NDEL1: variants seen among roughly 807,000 people sequenced by gnomAD.
NDEL1 encodes nudE neurodevelopment protein 1 like 1, also known as nuclear distribution protein nudE-like 1.
A neutral mutation model predicts 45.7 loss-of-function variants in NDEL1; 9 were observed. That is an observed-to-expected ratio of 0.20 (90% CI 0.12 to 0.34). The LOEUF (loss-of-function observed/expected upper bound fraction) is 0.34. NDEL1 is among the 10% of genes least tolerant of loss of function. NDEL1 has a pLI of 1.00. For synonymous variants in NDEL1, 133 were observed against 158.6 expected, an observed-to-expected ratio of 0.84 and a Z score of 1.21; for missense variants, 306 against 406.2, an observed-to-expected ratio of 0.75 and a Z score of 2.12.
intron 1 of NDEL1, among the ~76,000 whole-genome samples, chr17:8,423,039 T>C (rs1301898033): frequency 1.3e-5 from 2 of 152,220 alleles, no homozygotes; most frequent in Non-Finnish European, 2.9e-5. Context: ...CTCCTTGTAA[T>C]TTCGAAGCAG....
At chr17:8,466,349 T>C (rs992957841) in intron 8 of NDEL1, 2 of 153,204 alleles carry the variant, frequency 1.3e-5, no homozygotes, top group East Asian at 1.9e-4. Context: ...TATACATTTA[T>C]TTATACACAC....
chr17:8,432,247 T>C (rs1279552140), upstream of NDEL1: 1 of 146,602 alleles, frequency 6.8e-6, no homozygotes, highest in African/African-American at 2.5e-5. Flanking sequence ...ATTTTAAGCA[T>C]GTTAATGCAG....
At chr17:8,424,466 A>G (rs1908777724) in intron 1 of NDEL1, among the ~76,000 whole-genome samples, 1 of 152,170 alleles carries the variant, frequency 6.6e-6, no homozygotes, top group Non-Finnish European at 1.5e-5. Context: ...TGGATCACAA[A>G]GGTTGCACCT....
At chr17:8,450,746 G>A in intron 5 of NDEL1, 34 bp from the exon 6 acceptor site, 4 of 1,582,320 alleles carry the variant, frequency 2.5e-6, no homozygotes, top group Non-Finnish European at 3.4e-6. Flanking sequence ...TCCCTCTAGT[G>A]AGTATTCCTG....
In NDEL1 at chr17:8,435,899, G is replaced by A. The variant is rs529542826; in HGVS notation, c.-159G>A. On this transcript the variant is annotated 5_prime_UTR_variant, in exon 1 of 9. Coordinates refer to ENST00000334527, the MANE Select transcript of NDEL1 (RefSeq NM_030808.5). The stretch of plus-strand genomic sequence containing the variant: ...ACACCCAGGCAGTCCCTGACGTGTC[G>A]GGGAGGAGCCGGGCGCGGAGGTACG... 2.7e-4 allele frequency: 122 copies of A among 448,108 alleles called. 2 individuals are homozygous for A. Among genetic ancestry groups the A allele is most frequent in the South Asian group, 1.9e-3 (121 of 64,220 alleles). The allele number at this position is 448,108 out of a possible 1,614,324, so 27.8% of individuals were successfully genotyped here. A position where few individuals can be genotyped will look rare whatever the true frequency, so the allele number is the denominator to read the frequency against.
upstream of NDEL1, among the ~76,000 whole-genome samples, chr17:8,435,112 T>C (rs934240128): frequency 1.3e-5 from 2 of 151,552 alleles, no homozygotes; most frequent in African/African-American, 4.8e-5. Context: ...CCAAGATGGA[T>C]TGTAAGAGGT....
In NDEL1 at chr17:8,466,983, G is replaced by A. The variant is rs8080598; in HGVS notation, c.998G>A (p.Arg333His). 1.7e-5 allele frequency: 27 copies of A among 1,614,036 alleles called. No homozygotes were observed. Among genetic ancestry groups the A allele is most frequent in the South Asian group, 3.3e-5 (3 of 91,088 alleles). ...APPPPGLGSS[R>H]PSSAPGMLPL... is the part of the protein sequence containing the mutation. ...CCTCCTCCTGGTCTGGGCTCCTCGCGTCCATCGTCAGCGCCGGGTATGCTG... is the reference window on the plus strand; with the variant it reads ...CCTCCTCCTGGTCTGGGCTCCTCGCATCCATCGTCAGCGCCGGGTATGCTG... The change falls in exon 9 of 9, where the codon CGT becomes CAT. Residue 333 changes from arginine (R) to histidine (H), a missense_variant. Arg to His is a conservative substitution (Grantham distance 29). Transcript: ENST00000334527.
Position 8,460,135 on chromosome 17 carries a change from G to C in NDEL1, c.919G>C (p.Gly307Arg). The change falls in exon 8 of 9, where the codon GGG becomes CGG. Residue 307 changes from glycine to arginine, a missense_variant. By Grantham distance (125) the Gly-to-Arg change is moderately radical. Around this residue, in one of 3 missense-constraint regions of NDEL1, gnomAD observed 175 missense variants for 205.2 expected, o/e 0.85. Coordinates refer to ENST00000334527, the MANE Select transcript of NDEL1 (RefSeq NM_030808.5). ...NGNGTKFSRS[G>R]HTSFFDKGAV... ...CAATGGCACAAAGTTCTCTCGATCA[G>C]GGCATACATCTTTCTTCGACAAAGG... 6.2e-7 allele frequency: 1 copy of C among 1,613,438 alleles called. No homozygotes were observed. The highest frequency in any genetic ancestry group is 8.5e-7 in the Non-Finnish European group (1 of 1,179,812).
At chr17:8,414,368 T>C (rs568448304) in intron 1 of NDEL1, among the ~76,000 whole-genome samples, 1 of 152,168 alleles carries the variant, frequency 6.6e-6, no homozygotes, top group Non-Finnish European at 1.5e-5. Flanking sequence ...CAGATTCCCT[T>C]AAGAAATGTC....
chr17:8,466,856 A>T, intron 8 of NDEL1, 74 bp from the exon 9 acceptor site: 1 of 1,390,090 alleles, frequency 7.2e-7, no homozygotes, highest in Non-Finnish European at 1.0e-6. Context: ...TTAATTTCCT[A>T]TTGTGTGTGA....
intron 1 of NDEL1, among the ~76,000 whole-genome samples, chr17:8,421,663 G>A (rs1009435389): frequency 1.4e-4 from 22 of 152,346 alleles, no homozygotes; most frequent in African/African-American, 5.0e-4. Context: ...CACCAGGCTT[G>A]TGGTAATTAT....
chr17:8,460,251 C>T, intron 8 of NDEL1, 91 bp downstream of exon 8: 1 of 1,390,226 alleles, frequency 7.2e-7, no homozygotes. Context: ...AAGGTAAACT[C>T]AGCTTGACAA....
intron 1 of NDEL1, among the ~76,000 whole-genome samples, chr17:8,440,999 G>C (rs2151710374): frequency 6.6e-6 from 1 of 152,308 alleles, no homozygotes; most frequent in East Asian, 1.9e-4. Flanking sequence ...ATAAATGTTA[G>C]ATGCCAAGGA....
At chr17:8,456,634 G>T (rs554616803) in intron 7 of NDEL1, among the ~76,000 whole-genome samples, 18 of 151,982 alleles carry the variant, frequency 1.2e-4, no homozygotes, top group African/African-American at 4.1e-4. Flanking sequence ...GAGTAGCTGG[G>T]ATTACAGGCA....
chr17:8,458,279 C>T (rs1162254496), intron 7 of NDEL1, among the ~76,000 whole-genome samples: 1 of 151,950 alleles, frequency 6.6e-6, no homozygotes, highest in African/African-American at 2.4e-5. Flanking sequence ...TTCATCTGCT[C>T]ACCCTTTCGA....
At chr17:8,423,545 A>G (rs1908753482) in intron 1 of NDEL1, among the ~76,000 whole-genome samples, 1 of 152,126 alleles carries the variant, frequency 6.6e-6, no homozygotes, top group Admixed American at 6.6e-5. Context: ...ATAGCCAGGC[A>G]TGGTTGTGCA....
chr17:8,443,676 A>C (rs1309933412), intron 1 of NDEL1, among the ~76,000 whole-genome samples: 1 of 152,156 alleles, frequency 6.6e-6, no homozygotes, highest in African/African-American at 2.4e-5. Flanking sequence ...TGAGAGAGAG[A>C]GATCATTGAA....
chr17:8,439,446 G>A (rs1460585706), intron 1 of NDEL1, among the ~76,000 whole-genome samples: 2 of 147,382 alleles, frequency 1.4e-5, no homozygotes, highest in Non-Finnish European at 3.0e-5. Flanking sequence ...TATAGACGAG[G>A]TTTCACCATG....
intron 2 of NDEL1, 58 bp downstream of exon 2, chr17:8,444,415 G>A: frequency 8.8e-7 from 1 of 1,135,810 alleles, no homozygotes; most frequent in Non-Finnish European, 1.3e-6. Context: ...ACCGTGTCTT[G>A]TTTGTGCATT....
Sources: gnomAD v4.1 joint callset for allele counts (sites outside exome capture counted in the v4.1 genomes callset) on GRCh38, gnomAD v4.1.1 for gene constraint, gnomAD v4.1.1 regional missense constraint, MANE v1.5 for transcripts, NCBI Gene and HGNC (gene_info 2026-07-23, HGNC 2026-07-21) for gene names.